SOX5: variants seen among roughly 807,000 people sequenced by gnomAD.
SOX5 encodes the protein transcription factor SOX-5.
SOX5 carries 9 observed loss-of-function variants against 92.0 expected under a neutral mutation model. The ratio of observed to expected loss-of-function variants is 0.10; its 90% CI spans 0.06 to 0.17. The LOEUF (loss-of-function observed/expected upper bound fraction) is 0.17. SOX5 is among the 10% of genes least tolerant of loss of function. The probability of loss-of-function intolerance (pLI) is 1.00; values close to 1 mark genes in which losing one functional copy is unlikely to be tolerated. For synonymous variants in SOX5, 344 were observed against 336.3 expected (o/e 1.02, Z -0.25); for missense variants, 642 against 944.5 (o/e 0.68, Z 4.20).
chr12:24,392,077 C>T (rs1959047898), intron 1 of SOX5, among the ~76,000 whole-genome samples: 1 of 152,182 alleles, frequency 6.6e-6, no homozygotes, highest in Non-Finnish European at 1.5e-5. Flanking sequence ...TTCCTCATCT[C>T]CTGCATTCAG....
intron 4 of SOX5, among the ~76,000 whole-genome samples, chr12:24,128,696 G>C (rs1464273044): frequency 6.6e-6 from 1 of 152,084 alleles, no homozygotes; most frequent in Non-Finnish European, 1.5e-5. Context: ...CAACCCGCAG[G>C]GCCTTTTTGG....
At chr12:23,961,201 T>G (rs987758943) in intron 4 of SOX5, among the ~76,000 whole-genome samples, 1 of 152,210 alleles carries the variant, frequency 6.6e-6, no homozygotes, top group Non-Finnish European at 1.5e-5. Flanking sequence ...TTTATTTTCT[T>G]AAATTAGAAT....
chr12:23,889,532 A>G (rs2097106662), intron 2 of SOX5, among the ~76,000 whole-genome samples: 1 of 152,230 alleles, frequency 6.6e-6, no homozygotes, highest in Middle Eastern at 3.2e-3. Flanking sequence ...TTTTGGGTAA[A>G]TAAAGCATCC....
At chr12:24,129,478 G>A (rs1949436352) in intron 4 of SOX5, among the ~76,000 whole-genome samples, 1 of 152,094 alleles carries the variant, frequency 6.6e-6, no homozygotes, top group Non-Finnish European at 1.5e-5. Context: ...TCCATGCCTG[G>A]CACTGTGCCT....
At chr12:23,721,075 T>G (rs776240084) in intron 6 of SOX5, among the ~76,000 whole-genome samples, 6 of 151,326 alleles carry the variant, frequency 4.0e-5, no homozygotes, top group Non-Finnish European at 7.4e-5. Flanking sequence ...ATTAATTATT[T>G]TATTTATTTA....
At chr12:23,802,376 G>A (rs578113889) in intron 3 of SOX5, among the ~76,000 whole-genome samples, 2 of 152,118 alleles carry the variant, frequency 1.3e-5, no homozygotes, top group East Asian at 1.9e-4. Context: ...CACTGCGCCC[G>A]GCCTTTTCTT....
At chr12:24,176,619 T>C (rs1211896381) in intron 4 of SOX5, among the ~76,000 whole-genome samples, 20 of 152,188 alleles carry the variant, frequency 1.3e-4, no homozygotes, top group Admixed American at 1.2e-3. Flanking sequence ...CTATGACCCA[T>C]GGACTAAAGA....
intron 1 of SOX5, among the ~76,000 whole-genome samples, chr12:24,479,052 T>C (rs1185507883): frequency 6.6e-6 from 1 of 152,234 alleles, no homozygotes; most frequent in East Asian, 1.9e-4. Context: ...TTCTTTAACC[T>C]AGCCAATCTG....
At chr12:23,651,615 C>A (rs1236303713) in intron 7 of SOX5, among the ~76,000 whole-genome samples, 1 of 151,926 alleles carries the variant, frequency 6.6e-6, no homozygotes, top group African/African-American at 2.4e-5. Context: ...CAATTGGAGT[C>A]AAATGAATAT....
intron 4 of SOX5, among the ~76,000 whole-genome samples, chr12:24,039,475 A>G (rs1472569975): frequency 6.6e-6 from 1 of 152,070 alleles, no homozygotes; most frequent in African/African-American, 2.4e-5. Flanking sequence ...AAAACAAAAA[A>G]CTCTGCAGCA....
In SOX5 at chr12:23,748,580, GA is replaced by G. The variant is rs201792644; in HGVS notation, c.568+7057del. Among the ~76,000 whole-genome samples the G allele has an allele frequency of 7.9e-3, 1,205 of 151,932 alleles. 18 individuals are homozygous for G. The highest frequency in any genetic ancestry group is 0.026 in the African/African-American group (1,090 of 41,486). ...AAAAAGTACAAGTAAACTCACTTTA[GA>G]AAAAAATGTCCTAGAAGTTTAGAGC... is the stretch of plus-strand genomic sequence containing the variant. On this transcript the variant is annotated intron_variant, in intron 4 of 14. Coordinates refer to ENST00000451604, the MANE Select transcript of SOX5 (RefSeq NM_006940.6).
intron 12 of SOX5, among the ~76,000 whole-genome samples, chr12:23,543,729 G>A (rs1332866686): frequency 1.3e-5 from 2 of 152,194 alleles, no homozygotes; most frequent in Non-Finnish European, 2.9e-5. Flanking sequence ...CATACCAGTA[G>A]TGTAGAAACA....
intron 1 of SOX5, among the ~76,000 whole-genome samples, chr12:24,402,589 T>A (rs1961991981): frequency 6.6e-6 from 1 of 152,172 alleles, no homozygotes; most frequent in South Asian, 2.1e-4. Context: ...GCTTATACAA[T>A]TTGGGGGCCC....
chr12:23,930,774 C>G (rs1038282598), intron 1 of SOX5, among the ~76,000 whole-genome samples: 1 of 151,696 alleles, frequency 6.6e-6, no homozygotes, highest in African/African-American at 2.4e-5. Context: ...TATGGTAGAA[C>G]CAGACTCATA....
chr12:24,387,179 C>T (rs1359863598), intron 1 of SOX5, among the ~76,000 whole-genome samples: 1 of 152,168 alleles, frequency 6.6e-6, no homozygotes, highest in Non-Finnish European at 1.5e-5. Flanking sequence ...GCCTGCAAAC[C>T]ATGAGTTGCT....
rs561926081 is a variant in SOX5 at position 23,888,461 on chromosome 12, G to A, written c.270+7332C>T. On this transcript the variant is annotated intron_variant, in intron 2 of 14. Coordinates refer to ENST00000451604, the MANE Select transcript of SOX5 (RefSeq NM_006940.6). ...ATACTCATTAATTTCTCAAGGTCCA[G>A]TTAACTTTACTCTCAACAGAAGTAC... Among the ~76,000 whole-genome samples the A allele has an allele frequency of 4.0e-5, 6 of 151,880 alleles. No individual in the cohort carries two copies. In the South Asian group the frequency reaches 1.0e-3, roughly 26 times the overall value.
intron 1 of SOX5, among the ~76,000 whole-genome samples, chr12:23,915,146 T>G (rs1009549344): frequency 6.6e-6 from 1 of 152,148 alleles, no homozygotes; most frequent in Admixed American, 6.5e-5. Context: ...AAGTAGTACA[T>G]TATTTATGGA....
At chr12:23,750,915 G>A (rs2094160402) in intron 4 of SOX5, among the ~76,000 whole-genome samples, 1 of 151,834 alleles carries the variant, frequency 6.6e-6, no homozygotes, top group Non-Finnish European at 1.5e-5. Context: ...CCGGCGTCAT[G>A]AGACGGAGCA....
In SOX5 at chr12:24,021,704, T is replaced by C. The variant is rs1477706482; in HGVS notation, c.-1-125680A>G. On this transcript the variant is annotated intron_variant, in intron 4 of 4. Coordinates refer to the SOX5 transcript ENST00000446891. ...ATAATGATGCCGAATGTAATCCTTC[T>C]ATGAGATGATTCACTGGAGTGCTTA... Among the ~76,000 whole-genome samples, 3 of 152,202 alleles carry C rather than the reference T, an allele frequency of 2.0e-5. No individual in the cohort carries two copies. The East Asian group carries it at 5.8e-4, about 29-fold the overall frequency.
Sources: gnomAD v4.1 joint callset for allele counts (sites outside exome capture counted in the v4.1 genomes callset) on GRCh38, gnomAD v4.1.1 for gene constraint, MANE v1.5 for transcripts, NCBI Gene and HGNC (gene_info 2026-07-23, HGNC 2026-07-21) for gene names.